The following DNAH8 variants were observed in gnomAD, a reference collection of about 807,000 sequenced individuals.
The protein encoded by DNAH8 is axonemal beta dynein heavy chain 8.
Under a neutral mutation model 562.1 loss-of-function variants are expected in DNAH8, and 382 were observed. The ratio of observed to expected loss-of-function variants is 0.68; its 90% CI spans 0.63 to 0.74. DNAH8 has a LOEUF of 0.74. DNAH8 is among the 30% of genes least tolerant of loss of function. The probability of loss-of-function intolerance (pLI) is 0.00; values close to 1 mark genes in which losing one functional copy is unlikely to be tolerated. For synonymous variants in DNAH8, 1,881 were observed against 1,919.4 expected (o/e 0.98, Z 0.52); for missense variants, 5,203 against 5,620.4 (o/e 0.93, Z 2.37).
In DNAH8 at chr6:38,964,579, G is replaced by T. The variant is rs867553438; in HGVS notation, c.12452-7013G>T. Among the ~76,000 whole-genome samples the T allele has an allele frequency of 5.3e-5, 8 of 151,430 alleles. No homozygotes were observed. In the South Asian group the frequency reaches 1.5e-3, roughly 28 times the overall value. ...CATACATCCAGATTTATATACAAGG[G>T]TGTTTAATCTAGTGCTATTTATAAT... On this transcript the variant is annotated intron_variant, in intron 82 of 92. Coordinates refer to ENST00000327475, the MANE Select transcript of DNAH8 (RefSeq NM_001206927.2).
chr6:38,870,381 T>A lies in DNAH8; in HGVS notation c.6829-20T>A, dbSNP rs1317219784. On this transcript the variant is annotated intron_variant, in intron 48 of 92. Coordinates refer to ENST00000327475, the MANE Select transcript of DNAH8 (RefSeq NM_001206927.2). ...TTGTTGACTGAATGAGTAAATTTAT[T>A]TTAAACTATGCCACCTTAGGTTGAT... 6 of 1,606,258 alleles carry A rather than the reference T, an allele frequency of 3.7e-6. No individual in the cohort carries two copies. Among genetic ancestry groups the A allele is most frequent in the Non-Finnish European group, 5.1e-6 (6 of 1,174,852 alleles).
intron 26 of DNAH8, among the ~76,000 whole-genome samples, chr6:38,815,999 A>C (rs1431827375): frequency 6.6e-6 from 1 of 152,122 alleles, no homozygotes; most frequent in Non-Finnish European, 1.5e-5. Context: ...AAATGTTATG[A>C]ACATTTTTTT....
chr6:38,989,327 AT>A (rs147559327), intron 87 of DNAH8, among the ~76,000 whole-genome samples: 22,481 of 151,308 alleles, frequency 0.15, 1,974 homozygotes, highest in African/African-American at 0.24. Flanking sequence ...ATTTAGCATC[AT>A]TTTTTTTTCC....
intron 1 of DNAH8, among the ~76,000 whole-genome samples, chr6:38,718,449 A>G (rs1469727913): frequency 3.3e-5 from 5 of 152,178 alleles, no homozygotes; most frequent in Non-Finnish European, 7.4e-5. Context: ...GCAATATTTG[A>G]CACTCAAAAA....
intron 1 of DNAH8, chr6:38,716,548 T>C (rs568621427): frequency 6.6e-6 from 1 of 152,428 alleles, no homozygotes; most frequent in Admixed American, 6.5e-5. Context: ...TTTCTTTCTT[T>C]TTTTGTTTTT....
rs141925575 is a variant in DNAH8 at position 38,899,236 on chromosome 6, T to A, written c.9064-540T>A. Among the ~76,000 whole-genome samples, 35 of 152,254 alleles carry A rather than the reference T, an allele frequency of 2.3e-4. 1 individual carries two copies. Among genetic ancestry groups the A allele is most frequent in the African/African-American group, 7.9e-4 (33 of 41,560 alleles). ...TCAACCATAGAAAAGCAACACAACATGAAAGGCTGTCTCTCCAAGTTGGCT... is the reference window on the plus strand; with the variant it reads ...TCAACCATAGAAAAGCAACACAACAAGAAAGGCTGTCTCTCCAAGTTGGCT... On this transcript the variant is annotated intron_variant, in intron 61 of 92. Transcript: ENST00000327475.
intron 82 of DNAH8, among the ~76,000 whole-genome samples, chr6:38,965,114 A>ATAAAG (rs1267082340): frequency 8.2e-5 from 11 of 134,086 alleles, no homozygotes; most frequent in African/African-American, 3.0e-4. Context: ...ATAAAATAAA[A>ATAAAG]TAATGTATAA....
In DNAH8 at chr6:38,867,229, A is replaced by ATGTGTGTG. The variant is rs1471483350; in HGVS notation, c.6693+354_6693+355insGTGTGTGT. On this transcript the variant is annotated intron_variant, in intron 47 of 92. Transcript: ENST00000327475. ...CAGTTATACATGCACTGGTGTGTGT[A>ATGTGTGTG]TATGTGTGTGTGTGTGTGTGTGTGT... Among the ~76,000 whole-genome samples, 17 of 88,524 alleles carry ATGTGTGTG rather than the reference A, an allele frequency of 1.9e-4. No homozygotes were observed. The East Asian group carries it at 3.0e-3, about 15-fold the overall frequency. 58.1% of individuals were successfully genotyped at this position (88,524 alleles called of 152,430 possible).
chr6:38,866,890 T>C lies in DNAH8; in HGVS notation c.6693+14T>C, dbSNP rs769265494. ...CTTACTAAACAGGTAACTTTATAGA[T>C]CTGCTTTCCTCCTAGCAATAGTATT... On this transcript the variant is annotated intron_variant, in intron 47 of 92. Transcript: ENST00000327475. 6.8e-7 allele frequency: 1 copy of C among 1,479,090 alleles called. No individual in the cohort carries two copies. Among genetic ancestry groups the C allele is most frequent in the Non-Finnish European group, 9.4e-7 (1 of 1,063,404 alleles). 91.6% of individuals were successfully genotyped at this position (1,479,090 alleles called of 1,614,324 possible).
chr6:38,719,801 A>G (rs1308838657), intron 1 of DNAH8, among the ~76,000 whole-genome samples: 1 of 152,212 alleles, frequency 6.6e-6, no homozygotes, highest in Non-Finnish European at 1.5e-5. Flanking sequence ...TTTACTGCGA[A>G]TGGGCTAACC....
intron 82 of DNAH8, among the ~76,000 whole-genome samples, chr6:38,955,064 C>T (rs1178110007): frequency 6.6e-6 from 1 of 152,132 alleles, no homozygotes; most frequent in Non-Finnish European, 1.5e-5. Flanking sequence ...ACCTCCCAGG[C>T]TCAAGTGATC....
At chr6:38,874,316 CT>C (rs1561798778) in intron 52 of DNAH8, among the ~76,000 whole-genome samples, 159 of 89,148 alleles carry the variant, frequency 1.8e-3, no homozygotes, top group African/African-American at 5.8e-3. Context: ...CTCCCCTTCC[CT>C]TCCCTTCCCT....
intron 91 of DNAH8, 91 bp from the exon 92 acceptor site, chr6:39,026,455 T>C (rs930244125): frequency 2.3e-6 from 3 of 1,314,402 alleles, no homozygotes; most frequent in South Asian, 1.4e-5. Flanking sequence ...AGTTTGGAGA[T>C]TGATAAGCAA....
chr6:38,863,837 A>G (rs1563034457), intron 44 of DNAH8, 36 bp from the exon 45 acceptor site: 2 of 1,539,108 alleles, frequency 1.3e-6, no homozygotes, highest in Middle Eastern at 3.5e-4. Flanking sequence ...TATATTATAG[A>G]GTAAAACTTT....
chr6:38,751,799 G>C (rs1765479982), intron 9 of DNAH8, among the ~76,000 whole-genome samples: 1 of 152,174 alleles, frequency 6.6e-6, no homozygotes. Context: ...GAAGCTAGTA[G>C]TTATTGAGAA....
chr6:38,866,927 C>A, intron 47 of DNAH8, 51 bp downstream of exon 47: 2 of 1,132,556 alleles, frequency 1.8e-6, no homozygotes, highest in Non-Finnish European at 2.6e-6. Flanking sequence ...GGTTTTTTTG[C>A]TTTGTAATTT....
chr6:38,898,427 C>T (rs1779849850), intron 61 of DNAH8, 47 bp downstream of exon 61: 4 of 1,453,232 alleles, frequency 2.8e-6, no homozygotes, highest in South Asian at 1.5e-5. Context: ...GATTTAAAAG[C>T]TTCGTATATT....
intron 21 of DNAH8, among the ~76,000 whole-genome samples, chr6:38,796,877 C>T (rs1204498735): frequency 2.0e-5 from 3 of 152,110 alleles, no homozygotes; most frequent in African/African-American, 4.8e-5. Flanking sequence ...TTCTTGTCTG[C>T]GGCTTGTCCT....
chr6:38,789,168 A>G (rs1769459260), intron 18 of DNAH8, among the ~76,000 whole-genome samples: 1 of 152,230 alleles, frequency 6.6e-6, no homozygotes, highest in African/African-American at 2.4e-5. Context: ...TAAAACTTCA[A>G]CTACAAGTAA....
Sources: gnomAD v4.1 joint callset for allele counts (sites outside exome capture counted in the v4.1 genomes callset) on GRCh38, gnomAD v4.1.1 for gene constraint, MANE v1.5 for transcripts, NCBI Gene and HGNC (gene_info 2026-07-23, HGNC 2026-07-21) for gene names.